TPRG1: variants seen among roughly 807,000 people sequenced by gnomAD.
TPRG1 encodes tumor protein p63-regulated gene 1 protein.
TPRG1 carries 29 observed loss-of-function variants against 29.3 expected under a neutral mutation model. That is an observed-to-expected ratio of 0.99 (90% CI 0.74 to 1.35). The LOEUF (loss-of-function observed/expected upper bound fraction) is 1.35, where lower values mean the gene tolerates loss of function less well. Ranked by LOEUF, TPRG1 falls within the 40% of genes most tolerant of loss-of-function variation. The probability of loss-of-function intolerance (pLI) is 0.00; values close to 1 mark genes in which losing one functional copy is unlikely to be tolerated. For missense variants in TPRG1, 327 were observed against 335.0 expected (o/e 0.98, Z 0.19); for synonymous variants, 130 against 116.8 (o/e 1.11, Z -0.73).
intron 3 of TPRG1, among the ~76,000 whole-genome samples, chr3:189,007,695 C>T (rs2152122153): frequency 7.0e-6 from 1 of 141,944 alleles, no homozygotes; most frequent in East Asian, 2.0e-4. Context: ...GGCACATATA[C>T]ACCATGGAAT....
At chr3:189,060,717 C>T (rs560811962) in intron 4 of TPRG1, among the ~76,000 whole-genome samples, 2 of 152,140 alleles carry the variant, frequency 1.3e-5, no homozygotes, top group African/African-American at 4.8e-5. Flanking sequence ...GAATAAAATA[C>T]CTAGGAATAC....
At chr3:189,102,571 A>G (rs186358822) in intron 1 of TPRG1, among the ~76,000 whole-genome samples, 5 of 152,128 alleles carry the variant, frequency 3.3e-5, no homozygotes, top group African/African-American at 1.2e-4. Context: ...TCAGGCCCTC[A>G]TCCCTTCACG....
chr3:189,047,743 CAGG>C (rs1291249561), intron 4 of TPRG1, among the ~76,000 whole-genome samples: 5 of 152,030 alleles, frequency 3.3e-5, no homozygotes, highest in African/African-American at 1.2e-4. Context: ...ATCATTTTAC[CAGG>C]AGTAGATTCC....
chr3:189,312,169 C>A, intron 5 of TPRG1, among the ~76,000 whole-genome samples: 1 of 66,176 alleles, frequency 1.5e-5, no homozygotes, highest in African/African-American at 6.5e-5. Context: ...TTCTTTCTTT[C>A]TTTCTTTCTT....
chr3:189,016,696 T>C (rs1435062542), intron 3 of TPRG1, among the ~76,000 whole-genome samples: 2 of 152,006 alleles, frequency 1.3e-5, no homozygotes, highest in East Asian at 3.9e-4. Flanking sequence ...AGTGAGTGAG[T>C]TCTCATGAGA....
At chr3:189,115,347 T>G (rs1383834282) in intron 1 of TPRG1, among the ~76,000 whole-genome samples, 3 of 152,238 alleles carry the variant, frequency 2.0e-5, no homozygotes, top group Admixed American at 6.5e-5. Flanking sequence ...CAAGTGCTGA[T>G]GTTTGCAGGC....
intron 3 of TPRG1, among the ~76,000 whole-genome samples, chr3:189,010,943 T>C (rs540756206): frequency 6.6e-6 from 1 of 152,242 alleles, no homozygotes; most frequent in East Asian, 1.9e-4. Context: ...TTTTGGTATA[T>C]GGTGTAAGGA....
At chr3:189,019,774 T>C (rs1339920621) in intron 3 of TPRG1, among the ~76,000 whole-genome samples, 2 of 150,978 alleles carry the variant, frequency 1.3e-5, no homozygotes, top group African/African-American at 2.4e-5. Flanking sequence ...ATTCCCTCTT[T>C]TTCTATTGAT....
intron 5 of TPRG1, among the ~76,000 whole-genome samples, chr3:189,317,079 T>G (rs1723655515): frequency 6.6e-6 from 1 of 152,160 alleles, no homozygotes. Flanking sequence ...AACTTTTACT[T>G]TCTAGCACTT....
At chr3:189,193,748 G>A (rs1732101156) in intron 1 of TPRG1, among the ~76,000 whole-genome samples, 1 of 150,538 alleles carries the variant, frequency 6.6e-6, no homozygotes, top group South Asian at 2.1e-4. Flanking sequence ...CGGGATTTCT[G>A]TTTGCTGCTT....
intron 3 of TPRG1, among the ~76,000 whole-genome samples, chr3:189,007,908 GAGGGGGGAGGGATAGCAT>G (rs1712380705): frequency 9.6e-6 from 1 of 104,592 alleles, no homozygotes; most frequent in Non-Finnish European, 1.8e-5. Context: ...GGGGTGGGGG[GAGGGGGGAGGGATAGCAT>G]TGGGAGATAT....
intron 2 of TPRG1, among the ~76,000 whole-genome samples, chr3:189,131,383 TTA>T (rs950632595): frequency 2.6e-5 from 4 of 151,882 alleles, no homozygotes; most frequent in African/African-American, 4.8e-5. Context: ...ATATGTGTGT[TTA>T]TATATATATA....
At chr3:189,232,519 G>A (rs1422606797) in intron 3 of TPRG1, among the ~76,000 whole-genome samples, 2 of 152,160 alleles carry the variant, frequency 1.3e-5, no homozygotes, top group Admixed American at 1.3e-4. Context: ...GTCAAGCCTC[G>A]TTACACCACA....
intron 5 of TPRG1, among the ~76,000 whole-genome samples, chr3:189,318,044 TAC>T (rs1723831059): frequency 6.6e-6 from 1 of 152,142 alleles, no homozygotes; most frequent in South Asian, 2.1e-4. Context: ...GGATGATATA[TAC>T]AGTCTGTCCA....
At chr3:189,263,651 A>C (rs1310894558) in intron 4 of TPRG1, among the ~76,000 whole-genome samples, 2 of 152,218 alleles carry the variant, frequency 1.3e-5, no homozygotes, top group Non-Finnish European at 2.9e-5. Context: ...AAAGTAAATA[A>C]AATTGCCCAC....
chr3:189,198,004 G>A (rs529019736), intron 1 of TPRG1, among the ~76,000 whole-genome samples: 3 of 152,340 alleles, frequency 2.0e-5, no homozygotes, highest in African/African-American at 7.2e-5. Flanking sequence ...CTCAGCAGGT[G>A]TGGAGGGGAT....
intron 4 of TPRG1, among the ~76,000 whole-genome samples, chr3:189,038,810 A>AG (rs1491295307): frequency 7.2e-6 from 1 of 139,434 alleles, no homozygotes; most frequent in African/African-American, 2.6e-5. Flanking sequence ...AAAAAAAAAA[A>AG]TGAATAGACA....
intron 1 of TPRG1, among the ~76,000 whole-genome samples, chr3:189,182,047 C>T (rs1477609743): frequency 1.3e-5 from 2 of 152,188 alleles, no homozygotes; most frequent in Non-Finnish European, 2.9e-5. Context: ...GACTTATTCA[C>T]TATCATGAGA....
intron 4 of TPRG1, among the ~76,000 whole-genome samples, chr3:189,304,557 G>C (rs145448890): frequency 6.6e-6 from 1 of 152,164 alleles, no homozygotes; most frequent in Non-Finnish European, 1.5e-5. Context: ...AGCACCTGCC[G>C]ATGGGTTTGG....
Sources: gnomAD v4.1 joint callset for allele counts (sites outside exome capture counted in the v4.1 genomes callset) on GRCh38, gnomAD v4.1.1 for gene constraint, MANE v1.5 for transcripts, NCBI Gene and HGNC (gene_info 2026-07-23, HGNC 2026-07-21) for gene names.